The following RAB5C variants were observed in gnomAD, a reference collection of about 807,000 sequenced individuals.
RAB5C encodes the protein ras-related protein Rab-5C.
In RAB5C, 4 loss-of-function variants were observed where a neutral mutation model predicts 25.2. The ratio of observed to expected loss-of-function variants is 0.16; its 90% CI spans 0.08 to 0.36. RAB5C has a LOEUF of 0.36. Among genes scored for constraint, RAB5C ranks in the 10% least tolerant of loss-of-function variants. RAB5C has a pLI of 1.00. For missense variants in RAB5C, 199 were observed against 283.8 expected (o/e 0.70, Z 2.15); for synonymous variants, 100 against 106.4 (o/e 0.94, Z 0.37).
rs200270166 is a variant in RAB5C at position 42,128,173 on chromosome 17, G to A, written c.441+88C>T. 2.6e-6 allele frequency: 4 copies of A among 1,515,946 alleles called. No individual in the cohort carries two copies. In the East Asian group the frequency reaches 9.4e-5, roughly 36 times the overall value. 93.9% of individuals were successfully genotyped at this position (1,515,946 alleles called of 1,614,324 possible). A position where few individuals can be genotyped will look rare whatever the true frequency, so the allele number is the denominator to read the frequency against. On this transcript the variant is annotated intron_variant, in intron 4 of 5. Coordinates refer to ENST00000346213, the MANE Select transcript of RAB5C (RefSeq NM_004583.4). ...AAGCTTCCCTGTTGCCTCCTAGCAT[G>A]GCCCTTCCCAAAGCCCCTGAGCATC...
intron 1 of RAB5C, among the ~76,000 whole-genome samples, chr17:42,142,644 A>G (rs1349698464): frequency 2.0e-5 from 3 of 152,200 alleles, no homozygotes; most frequent in African/African-American, 4.8e-5. Context: ...GGGGACATAC[A>G]TGGAGCTATG....
At chr17:42,134,336 G>A (rs8074708) in intron 1 of RAB5C, among the ~76,000 whole-genome samples, 53,995 of 152,008 alleles carry the variant, frequency 0.36, 12,930 homozygotes, top group African/African-American at 0.69. Context: ...TGGAATTATA[G>A]CCAAAACTGA....
intron 2 of RAB5C, 126 bp from the exon 3 acceptor site, chr17:42,128,926 G>C (rs739637): frequency 0.26 from 235,294 of 919,414 alleles, 36,688 homozygotes; most frequent in African/African-American, 0.69. Context: ...GAACCCTCAA[G>C]CCAGGAGCCA....
intron 1 of RAB5C, among the ~76,000 whole-genome samples, chr17:42,144,186 G>C (rs1426978336): frequency 6.6e-6 from 1 of 152,194 alleles, no homozygotes; most frequent in Admixed American, 6.5e-5. Flanking sequence ...GCCAGGCGCA[G>C]TGGCTCACGC....
chr17:42,140,501 ATATATATATATATATTTTTTTT>A (rs1275615254), intron 1 of RAB5C, among the ~76,000 whole-genome samples: 225 of 50,948 alleles, frequency 4.4e-3, no homozygotes, highest in African/African-American at 0.023. Context: ...ATATATATAT[ATATATATATATATATTTTTTTT>A]TTTTTTTTTT....
At chr17:42,144,799 C>CGCCTATAG (rs2079622500) in intron 1 of RAB5C, among the ~76,000 whole-genome samples, 1 of 151,574 alleles carries the variant, frequency 6.6e-6, no homozygotes, top group Admixed American at 6.6e-5. Context: ...TGGTGGCGGG[C>CGCCTATAG]GCCTGTAGTC....
In RAB5C at chr17:42,151,930, C is replaced by T. The variant is rs573729650; in HGVS notation, c.-89+2963G>A. ...AAGAGTCTGCCCTTGTGCCGTGGCG[C>T]ACTCAGTCTGCATGTTCATTCATTT... On this transcript the variant is annotated intron_variant, in intron 1 of 5. Transcript: ENST00000346213. Among the ~76,000 whole-genome samples, 6 of 152,200 alleles carry T rather than the reference C, an allele frequency of 3.9e-5. No individual in the cohort carries two copies. In the East Asian group the frequency reaches 1.2e-3, roughly 29 times the overall value.
chr17:42,125,847 C>G lies in RAB5C; in HGVS notation c.587G>C (p.Arg196Pro). Residue 196 changes from arginine (R) to proline (P), a missense_variant, in exon 6 of 6, where the codon CGA becomes CCA. Arg to Pro is a moderately radical substitution (Grantham distance 103). Transcript: ENST00000346213. ...CTCCTGGAGGTCCACACCTCGGTTT[C>G]GGCCTGGAGCACCAGTTGCATTCTG... ...EPQNATGAPG[R>P]NRGVDLQENN... The G allele has an allele frequency of 6.2e-7, 1 of 1,611,890 alleles. No homozygotes were observed. Among genetic ancestry groups the G allele is most frequent in the Non-Finnish European group, 8.5e-7 (1 of 1,179,204 alleles).
At chr17:42,140,516 T>G (rs1419437806) in intron 1 of RAB5C, among the ~76,000 whole-genome samples, 1 of 12,918 alleles carries the variant, frequency 7.7e-5, no homozygotes, top group East Asian at 2.1e-3. Context: ...TATATATATA[T>G]TTTTTTTTTT....
intron 1 of RAB5C, among the ~76,000 whole-genome samples, chr17:42,132,389 T>G (rs2054494872): frequency 6.6e-6 from 1 of 152,182 alleles, no homozygotes; most frequent in Admixed American, 6.5e-5. Flanking sequence ...ATTTCAAAGT[T>G]ATGTCATTTC....
chr17:42,128,523 G>A, intron 3 of RAB5C, 126 bp downstream of exon 3: 1 of 1,321,216 alleles, frequency 7.6e-7, no homozygotes, highest in Non-Finnish European at 1.0e-6. Flanking sequence ...TCCCCAAACA[G>A]GAAATCTGCC....
chr17:42,133,694 G>C (rs1329925111), intron 1 of RAB5C, among the ~76,000 whole-genome samples: 2 of 152,212 alleles, frequency 1.3e-5, no homozygotes, highest in Non-Finnish European at 2.9e-5. Context: ...TGCCACTTCT[G>C]AATCACTTTG....
At chr17:42,144,925 C>CAAAAAAAAAAAA (rs544870361) in intron 1 of RAB5C, among the ~76,000 whole-genome samples, 3 of 31,104 alleles carry the variant, frequency 9.6e-5, no homozygotes, top group Admixed American at 5.0e-4. Flanking sequence ...GACTCCGTCT[C>CAAAAAAAAAAAA]AAAAAAAAAA....
At chr17:42,147,689 G>C (rs1234597345) in intron 1 of RAB5C, among the ~76,000 whole-genome samples, 2 of 152,188 alleles carry the variant, frequency 1.3e-5, no homozygotes, top group Admixed American at 1.3e-4. Flanking sequence ...GCAACTTTCT[G>C]GGGGATGGAC....
intron 3 of RAB5C, 108 bp downstream of exon 3, chr17:42,128,541 C>G (rs561533322): frequency 3.8e-5 from 18 of 478,960 alleles, no homozygotes; most frequent in East Asian, 7.6e-5. Context: ...GCCCACCCCC[C>G]ACCCAGGAAC....
chr17:42,132,428 A>T (rs2054495089), intron 1 of RAB5C, among the ~76,000 whole-genome samples: 2 of 152,184 alleles, frequency 1.3e-5, no homozygotes, highest in African/African-American at 4.8e-5. Context: ...ACGCTTTCTC[A>T]TTTCACCTCA....
At chr17:42,153,373 C>T (rs553491357) in intron 1 of RAB5C, among the ~76,000 whole-genome samples, 2 of 151,972 alleles carry the variant, frequency 1.3e-5, no homozygotes, top group East Asian at 3.9e-4. Context: ...GCCAAGATCA[C>T]GCCACTGCAC....
At chr17:42,154,288 C>T (rs933156733) in intron 1 of RAB5C, among the ~76,000 whole-genome samples, 4 of 152,086 alleles carry the variant, frequency 2.6e-5, no homozygotes, top group Non-Finnish European at 5.9e-5. Context: ...GGCTGGGAGA[C>T]AGAAGGGGCA....
At chr17:42,144,587 G>A (rs1329979518) in intron 1 of RAB5C, among the ~76,000 whole-genome samples, 2 of 152,158 alleles carry the variant, frequency 1.3e-5, no homozygotes, top group Non-Finnish European at 2.9e-5. Flanking sequence ...GCCGAAACGG[G>A]TGGATCACGA....
Sources: gnomAD v4.1 joint callset for allele counts (sites outside exome capture counted in the v4.1 genomes callset) on GRCh38, gnomAD v4.1.1 for gene constraint, MANE v1.5 for transcripts, NCBI Gene and HGNC (gene_info 2026-07-23, HGNC 2026-07-21) for gene names.